The following GALNT13 variants were observed in gnomAD, a reference collection of about 807,000 sequenced individuals.
GALNT13 encodes the protein UDP-GalNAc:polypeptide N-acetylgalactosaminyltransferase 13.
A neutral mutation model predicts 64.2 loss-of-function variants in GALNT13; 28 were observed. That is an observed-to-expected ratio of 0.44 (90% CI 0.32 to 0.60). The LOEUF (loss-of-function observed/expected upper bound fraction) is 0.60. Among genes scored for constraint, GALNT13 ranks in the 20% least tolerant of loss-of-function variants. The pLI is 0.05. For missense variants in GALNT13, 577 were observed against 669.8 expected (o/e 0.86, Z 1.53); for synonymous variants, 214 against 224.6 (o/e 0.95, Z 0.42).
At chr2:154,328,057 A>T (rs1046971661) in intron 9 of GALNT13, among the ~76,000 whole-genome samples, 5 of 152,128 alleles carry the variant, frequency 3.3e-5, no homozygotes, top group African/African-American at 1.2e-4. Context: ...AAAAACATTG[A>T]TATGATAAAA....
the GALNT13 span, among the ~76,000 whole-genome samples, chr2:153,305,335 A>G: frequency 6.6e-6 from 1 of 152,134 alleles, no homozygotes; most frequent in Non-Finnish European, 1.5e-5. Context: ...AGGTTCTAGG[A>G]GTATCTGTCA....
chr2:153,535,440 A>C, the GALNT13 span, among the ~76,000 whole-genome samples: 1 of 151,612 alleles, frequency 6.6e-6, no homozygotes, highest in Non-Finnish European at 1.5e-5. Flanking sequence ...GTAAACCGGC[A>C]GTGTAAACAA....
At chr2:153,668,046 T>C in the GALNT13 span, among the ~76,000 whole-genome samples, 1 of 152,146 alleles carries the variant, frequency 6.6e-6, no homozygotes, top group African/African-American at 2.4e-5. Context: ...ATAAAGGTCA[T>C]TTCATAATAA....
chr2:154,109,388 C>T (rs1480615663), intron 3 of GALNT13, among the ~76,000 whole-genome samples: 3 of 151,958 alleles, frequency 2.0e-5, no homozygotes, highest in African/African-American at 4.8e-5. Flanking sequence ...TTTTGGTGGT[C>T]ATTTCCTATA....
At chr2:153,610,182 A>T in the GALNT13 span, among the ~76,000 whole-genome samples, 1 of 152,206 alleles carries the variant, frequency 6.6e-6, no homozygotes, top group Non-Finnish European at 1.5e-5. Flanking sequence ...ATATTATATA[A>T]AGTTAGTGAT....
At chr2:153,284,063 T>C in the GALNT13 span, among the ~76,000 whole-genome samples, 82 of 152,316 alleles carry the variant, frequency 5.4e-4, no homozygotes, top group African/African-American at 1.7e-3. Flanking sequence ...CACGATGATC[T>C]ATGCCCAGGG....
chr2:154,225,290 A>T (rs1688559102), intron 4 of GALNT13, among the ~76,000 whole-genome samples: 2 of 152,110 alleles, frequency 1.3e-5, no homozygotes, highest in African/African-American at 4.8e-5. Context: ...TTAAAACTGT[A>T]CTGAGATACG....
At chr2:153,519,635 C>A in the GALNT13 span, among the ~76,000 whole-genome samples, 2 of 152,100 alleles carry the variant, frequency 1.3e-5, no homozygotes, top group Non-Finnish European at 2.9e-5. Context: ...CTGTTGCTAG[C>A]TCACTTTTGC....
At chr2:154,140,589 A>G in intron 4 of GALNT13, 84 bp downstream of exon 4, 2 of 964,660 alleles carry the variant, frequency 2.1e-6, no homozygotes, top group South Asian at 1.7e-5. Flanking sequence ...CTCAGATTAT[A>G]TCAATTCTAG....
intron 3 of GALNT13, among the ~76,000 whole-genome samples, chr2:154,087,717 A>G (rs1289706594): frequency 2.0e-5 from 3 of 152,096 alleles, no homozygotes; most frequent in Admixed American, 2.0e-4. Flanking sequence ...ATGTCATTAT[A>G]TATGTGGTTC....
chr2:154,021,033 C>T (rs867928349), intron 3 of GALNT13, among the ~76,000 whole-genome samples: 13 of 152,162 alleles, frequency 8.5e-5, no homozygotes, highest in East Asian at 5.8e-4. Context: ...TTATTTCTGA[C>T]GCCTCTGTTC....
At chr2:153,720,731 T>A in the GALNT13 span, among the ~76,000 whole-genome samples, 2 of 149,078 alleles carry the variant, frequency 1.3e-5, no homozygotes, top group African/African-American at 4.9e-5. Flanking sequence ...ATGAAATGAA[T>A]GAAATGAAGC....
chr2:154,351,511 G>A (rs887472312), intron 9 of GALNT13, among the ~76,000 whole-genome samples: 6 of 151,410 alleles, frequency 4.0e-5, no homozygotes, highest in Non-Finnish European at 8.8e-5. Context: ...GTGAAACCCC[G>A]TCTCTACTAA....
chr2:153,937,540 C>A (rs750791337), intron 2 of GALNT13, among the ~76,000 whole-genome samples: 1 of 151,930 alleles, frequency 6.6e-6, no homozygotes, highest in Non-Finnish European at 1.5e-5. Flanking sequence ...AAAGGAAATG[C>A]CCTAAAATTG....
At chr2:154,358,077 T>A (rs1696850432) in intron 9 of GALNT13, among the ~76,000 whole-genome samples, 1 of 152,088 alleles carries the variant, frequency 6.6e-6, no homozygotes, top group South Asian at 2.1e-4. Flanking sequence ...TACACGTTGC[T>A]TATGGAACAC....
chr2:153,137,466 A>T, the GALNT13 span, among the ~76,000 whole-genome samples: 2 of 152,054 alleles, frequency 1.3e-5, no homozygotes, highest in African/African-American at 4.8e-5. Context: ...GGTACACGAA[A>T]CCACTCCTTT....
the GALNT13 span, among the ~76,000 whole-genome samples, chr2:153,254,987 A>G: frequency 0.83 from 125,871 of 151,530 alleles, 53,529 homozygotes; most frequent in African/African-American, 0.93. Context: ...TATTAGGTCC[A>G]CTTGGTGCAG....
the GALNT13 span, among the ~76,000 whole-genome samples, chr2:153,676,548 A>G: frequency 0.017 from 2,631 of 152,296 alleles, 37 homozygotes; most frequent in South Asian, 0.042. Context: ...AAAACCTGGC[A>G]GAGACACAAC....
At chr2:153,327,726 A>G in the GALNT13 span, among the ~76,000 whole-genome samples, 1 of 151,788 alleles carries the variant, frequency 6.6e-6, no homozygotes, top group Non-Finnish European at 1.5e-5. Flanking sequence ...GCTTCCTTGC[A>G]TTGTGTTAGA....
Sources: gnomAD v4.1 joint callset for allele counts (sites outside exome capture counted in the v4.1 genomes callset) on GRCh38, gnomAD v4.1.1 for gene constraint, MANE v1.5 for transcripts, NCBI Gene and HGNC (gene_info 2026-07-23, HGNC 2026-07-21) for gene names.